Variants in LRRFIP1 observed in about 807,000 individuals in gnomAD.
LRRFIP1 encodes the protein leucine-rich repeat flightless-interacting protein 1.
LRRFIP1 carries 62 observed loss-of-function variants against 104.4 expected under a neutral mutation model. The observed-to-expected ratio is 0.59, with a 90% CI of 0.48 to 0.73. The LOEUF is 0.73. Ranked by LOEUF, LRRFIP1 falls within the 30% of genes least tolerant of loss-of-function variation. The probability of loss-of-function intolerance (pLI) is 0.00; values close to 1 mark genes in which losing one functional copy is unlikely to be tolerated. For synonymous variants in LRRFIP1, 300 were observed against 299.0 expected (o/e 1.00, Z -0.03); for missense variants, 796 against 824.5 (o/e 0.97, Z 0.42).
chr2:237,658,156 C>T (rs1371974452), intron 1 of LRRFIP1, among the ~76,000 whole-genome samples: 1 of 152,082 alleles, frequency 6.6e-6, no homozygotes, highest in African/African-American at 2.4e-5. Flanking sequence ...CATGCAATAA[C>T]CAGTTAGAAG....
intron 19 of LRRFIP1, chr2:237,764,023 G>C: frequency 6.2e-7 from 1 of 1,614,234 alleles, no homozygotes; most frequent in Non-Finnish European, 8.5e-7. Flanking sequence ...ATAGCCTAGA[G>C]AACGATGACT....
At chr2:237,699,106 A>G (rs1032477448) in intron 1 of LRRFIP1, among the ~76,000 whole-genome samples, 1 of 152,172 alleles carries the variant, frequency 6.6e-6, no homozygotes, top group African/African-American at 2.4e-5. Flanking sequence ...GGTGTGTTGC[A>G]CTGAGACCCA....
At chr2:237,736,334 A>G (rs927636680) in intron 10 of LRRFIP1, among the ~76,000 whole-genome samples, 1 of 152,224 alleles carries the variant, frequency 6.6e-6, no homozygotes, top group Non-Finnish European at 1.5e-5. Flanking sequence ...ACTATATAAC[A>G]TATTTTTCCC....
At chr2:237,770,018 G>A (rs754727936) in intron 20 of LRRFIP1, 26 bp downstream of exon 20, 13 of 1,584,106 alleles carry the variant, frequency 8.2e-6, no homozygotes, top group South Asian at 4.6e-5. Context: ...TTACTTTACC[G>A]GTTCATGAAC....
chr2:237,737,617 G>A (rs1021985452), intron 10 of LRRFIP1, among the ~76,000 whole-genome samples: 1 of 152,176 alleles, frequency 6.6e-6, no homozygotes, highest in Admixed American at 6.5e-5. Flanking sequence ...GGCATAGGAT[G>A]GAGAAGGATT....
intron 1 of LRRFIP1, chr2:237,692,430 G>T (rs775534356): frequency 1.7e-5 from 25 of 1,497,424 alleles, no homozygotes; most frequent in African/African-American, 1.6e-4. Flanking sequence ...ATTTCCCGCC[G>T]GGTGGAGCGG....
intron 23 of LRRFIP1, among the ~76,000 whole-genome samples, chr2:237,775,553 C>T (rs1328467801): frequency 1.3e-5 from 2 of 152,188 alleles, no homozygotes; most frequent in Non-Finnish European, 2.9e-5. Context: ...TCACTCGGGC[C>T]GGGCGCGGTG....
At chr2:237,738,870 C>T (rs1184599971) in intron 10 of LRRFIP1, among the ~76,000 whole-genome samples, 1 of 152,254 alleles carries the variant, frequency 6.6e-6, no homozygotes, top group Admixed American at 6.5e-5. Flanking sequence ...TCTTCAGTTT[C>T]TGTGCCGGAA....
chr2:237,763,132 G>A, intron 19 of LRRFIP1: 1 of 1,614,202 alleles, frequency 6.2e-7, no homozygotes, highest in Non-Finnish European at 8.5e-7. Flanking sequence ...ATAGTTTAGA[G>A]AAAGAATTCA....
rs1006387708 is a variant in LRRFIP1, at chr2:237,717,599, T to C, written c.202-163T>C. Among the ~76,000 whole-genome samples the C allele has an allele frequency of 1.3e-5, 2 of 152,232 alleles. No homozygotes were observed. Among genetic ancestry groups the C allele is most frequent in the Admixed American group, 6.5e-5 (1 of 15,282 alleles). On this transcript the variant is annotated intron_variant, in intron 3 of 23. Coordinates refer to ENST00000308482, the MANE Select transcript of LRRFIP1 (RefSeq NM_001137550.2). This position sits in a 1 kb window ranked among gnomAD's most constrained non-coding sequence, Gnocchi z 4.2. ...GCATGACTGCACGGGTGGCGGTCCC[T>C]GTGGAGAAGCCAGGCCTGGTGCCGA...
chr2:237,709,782 A>G (rs1419781879), intron 2 of LRRFIP1, among the ~76,000 whole-genome samples: 1 of 152,200 alleles, frequency 6.6e-6, no homozygotes, highest in Non-Finnish European at 1.5e-5. Context: ...TCTGGTATCC[A>G]TAGTGGTGCC....
chr2:237,765,162 C>T (rs2060174422), intron 19 of LRRFIP1: 1 of 179,380 alleles, frequency 5.6e-6, no homozygotes, highest in African/African-American at 2.4e-5. Context: ...ACTCCAGAGG[C>T]TGAGGCAGGA....
chr2:237,678,604 C>G (rs755991103), intron 1 of LRRFIP1, among the ~76,000 whole-genome samples: 1 of 152,070 alleles, frequency 6.6e-6, no homozygotes, highest in African/African-American at 2.4e-5. Context: ...TTCCCAGGTT[C>G]AAGCAATTCT....
chr2:237,719,699 T>C (rs2094470314), intron 5 of LRRFIP1, 132 bp downstream of exon 5: 5 of 576,184 alleles, frequency 8.7e-6, no homozygotes. Flanking sequence ...TAACTAATAC[T>C]ATTAATGATA....
In LRRFIP1 at chr2:237,769,710, A is replaced by T. The variant is rs2060461661; in HGVS notation, c.1460-233A>T. 5.9e-6 allele frequency: 3 copies of T among 504,450 alleles called. No individual in the cohort carries two copies. In the Admixed American group the frequency reaches 1.0e-4, roughly 17 times the overall value. The allele number at this position is 504,450 out of a possible 1,614,324, so 31.2% of individuals were successfully genotyped here. On this transcript the variant is annotated intron_variant, in intron 19 of 23. Transcript: ENST00000308482. ...GGTAGAAGATTAGCAGCCTGTTTGC[A>T]TGCAGCCGGATGCTGCCCCTGACGT...
At chr2:237,771,551 T>TC (rs772060776) in intron 20 of LRRFIP1, among the ~76,000 whole-genome samples, 734 of 49,850 alleles carry the variant, frequency 0.015, 21 homozygotes, top group Middle Eastern at 0.04. Flanking sequence ...CTGGAACCAA[T>TC]CCCCCCCCCC....
chr2:237,735,847 T>C lies in LRRFIP1; in HGVS notation c.555+514T>C, dbSNP rs1054326492. Among the ~76,000 whole-genome samples, 2 of 152,188 alleles carry C rather than the reference T, an allele frequency of 1.3e-5. No individual in the cohort carries two copies. The highest frequency in any genetic ancestry group is 4.8e-5 in the African/African-American group (2 of 41,440). Reference sequence around the variant, plus strand: ...TGCACCATAAACATTTGTGAATGAATGCGTGAGAAAAGCAACAAGGTAGAA... The same window carrying C: ...TGCACCATAAACATTTGTGAATGAACGCGTGAGAAAAGCAACAAGGTAGAA... On this transcript the variant is annotated intron_variant, in intron 10 of 23. Transcript: ENST00000308482. This position sits in a 1 kb window ranked among gnomAD's most constrained non-coding sequence, Gnocchi z 4.6.
intron 18 of LRRFIP1, 42 bp from the exon 19 acceptor site, chr2:237,760,022 A>T (rs775873931): frequency 6.3e-7 from 1 of 1,588,928 alleles, no homozygotes; most frequent in Admixed American, 1.7e-5. Flanking sequence ...TTAACCTAAT[A>T]TCACTGAGTA....
rs1170419466 is a variant in LRRFIP1 at position 237,780,345 on chromosome 2, GAA to G, written c.*815_*816del. ...TGTGGTTCTAATTTTTTTCCACTGA[GAA>G]AGAAGATCTTTAATTTCATATTAAT... On this transcript the variant is annotated 3_prime_UTR_variant, in exon 24 of 24. Transcript: ENST00000308482. The G allele has an allele frequency of 1.3e-5, 2 of 152,046 alleles. No homozygotes were observed. The highest frequency in any genetic ancestry group is 2.9e-5 in the Non-Finnish European group (2 of 68,014). 9.4% of individuals were successfully genotyped at this position (152,046 alleles called of 1,614,324 possible). A position where few individuals can be genotyped will look rare whatever the true frequency, so the allele number is the denominator to read the frequency against.
Sources: gnomAD v4.1 joint callset for allele counts (sites outside exome capture counted in the v4.1 genomes callset) on GRCh38, gnomAD v4.1.1 for gene constraint, Gnocchi (gnomAD v3.1) non-coding constraint, MANE v1.5 for transcripts, NCBI Gene and HGNC (gene_info 2026-07-23, HGNC 2026-07-21) for gene names.